The following WDR17 variants were observed in gnomAD, a reference collection of about 807,000 sequenced individuals.
WDR17 encodes WD repeat-containing protein 17.
WDR17 carries 143 observed loss-of-function variants against 161.7 expected under a neutral mutation model. The observed-to-expected ratio is 0.88, with a 90% CI of 0.77 to 1.02. WDR17 has a LOEUF of 1.02. Ranked by LOEUF, WDR17 falls within the 50% of genes least tolerant of loss-of-function variation. The pLI, the probability that WDR17 is intolerant of heterozygous loss-of-function variation, is 0.00. For missense variants in WDR17, 1,469 were observed against 1,520.9 expected, an observed-to-expected ratio of 0.97 and a Z score of 0.57; for synonymous variants, 517 against 515.6, an observed-to-expected ratio of 1.00 and a Z score of -0.04.
chr4:176,148,369 A>G (rs188784895), intron 13 of WDR17, 34 bp downstream of exon 13: 124 of 1,567,474 alleles, frequency 7.9e-5, no homozygotes, highest in Admixed American at 2.0e-4. Context: ...TGTATTTGTT[A>G]TATTGACATA....
Position 176,131,627 on chromosome 4 carries a change from A to C in WDR17, c.987A>C (p.Thr329=). The change falls in exon 7 of 29, where the codon ACA becomes ACC. Residue 329 remains threonine, a synonymous_variant. Coordinates refer to ENST00000508596, the MANE Select transcript of WDR17 (RefSeq NM_181265.4). ...AAGCAGTTCCACCCCCAACTTTAAC[A>C]CAGAATCAAGCATTTTCTCTTCCTC... is the stretch of plus-strand genomic sequence containing the variant. ...TSEAVPPPTL[T]QNQAFSLPPG... 6.2e-7 allele frequency: 1 copy of C among 1,613,650 alleles called. No individual in the cohort carries two copies. The highest frequency in any genetic ancestry group is 8.5e-7 in the Non-Finnish European group (1 of 1,179,810).
chr4:176,146,894 G>C (rs1746262793), intron 12 of WDR17, among the ~76,000 whole-genome samples: 1 of 151,562 alleles, frequency 6.6e-6, no homozygotes, highest in Non-Finnish European at 1.5e-5. Flanking sequence ...TTTTGAGACA[G>C]TCTCACTGTG....
Position 176,156,147 on chromosome 4 carries a change from A to G in WDR17, c.2525+4A>G. Reference sequence around the variant, plus strand: ...ACTGGAAGAAGTTAATGCAGAGGTAAGGCAGAGAGAGTCCGTGTTAAAACA... The same window carrying G: ...ACTGGAAGAAGTTAATGCAGAGGTAGGGCAGAGAGAGTCCGTGTTAAAACA... On this transcript the variant is annotated splice_donor_region_variant and intron_variant, in intron 18 of 28. Coordinates refer to ENST00000508596, the MANE Select transcript of WDR17 (RefSeq NM_181265.4). 6.2e-7 allele frequency: 1 copy of G among 1,612,438 alleles called. No individual in the cohort carries two copies. The highest frequency in any genetic ancestry group is 8.5e-7 in the Non-Finnish European group (1 of 1,179,224).
rs140953835 is a variant in WDR17 at position 176,123,654 on chromosome 4, G to A, written c.539-1450G>A. Among the ~76,000 whole-genome samples the A allele has an allele frequency of 1.5e-4, 23 of 152,314 alleles. No individual in the cohort carries two copies. In the East Asian group the frequency reaches 1.7e-3, roughly 11 times the overall value. ...GGGCAAGGCATATGGGAAAGGACAT[G>A]GGGCTTCCGTGCTGTCTCCAGGCAT... is the stretch of plus-strand genomic sequence containing the variant. On this transcript the variant is annotated intron_variant, in intron 4 of 28. Transcript: ENST00000508596.
intron 17 of WDR17, among the ~76,000 whole-genome samples, chr4:176,154,999 CAGTT>C: frequency 6.6e-6 from 1 of 151,964 alleles, no homozygotes; most frequent in East Asian, 1.9e-4. Flanking sequence ...ATTATATTAT[CAGTT>C]AAATGAAGAA....
chr4:176,159,262 T>TAC (rs140919209), intron 18 of WDR17, among the ~76,000 whole-genome samples: 95 of 133,224 alleles, frequency 7.1e-4, no homozygotes, highest in East Asian at 1.6e-3. Flanking sequence ...GATGGGAAGA[T>TAC]ACACACACAC....
chr4:176,163,618 A>G (rs1749371525), intron 22 of WDR17, among the ~76,000 whole-genome samples: 1 of 152,170 alleles, frequency 6.6e-6, no homozygotes, highest in African/African-American at 2.4e-5. Flanking sequence ...AAAATTCCGC[A>G]TATCTACACT....
intron 11 of WDR17, among the ~76,000 whole-genome samples, chr4:176,142,723 ATG>A (rs1745474738): frequency 6.6e-6 from 1 of 152,198 alleles, no homozygotes; most frequent in Non-Finnish European, 1.5e-5. Flanking sequence ...GTCAAAAACA[ATG>A]TGAATTATGT....
chr4:176,173,383 C>A lies in WDR17; in HGVS notation c.3347+14C>A. 1 of 1,535,270 alleles carries A rather than the reference C, an allele frequency of 6.5e-7. No homozygotes were observed. Among genetic ancestry groups the A allele is most frequent in the East Asian group, 2.3e-5 (1 of 44,306 alleles). Reference sequence around the variant, plus strand: ...TACGTGTACTGAGTGAGTATTTTTTCTGCAAAATATATAAGTGAATCTATT... The same window carrying A: ...TACGTGTACTGAGTGAGTATTTTTTATGCAAAATATATAAGTGAATCTATT... On this transcript the variant is annotated intron_variant, in intron 25 of 28. Coordinates refer to ENST00000508596, the MANE Select transcript of WDR17 (RefSeq NM_181265.4).
chr4:176,158,186 A>C (rs1748458434), intron 18 of WDR17, among the ~76,000 whole-genome samples: 1 of 152,234 alleles, frequency 6.6e-6, no homozygotes, highest in African/African-American at 2.4e-5. Context: ...GCACAAGCTA[A>C]AATATCAAGA....
chr4:176,166,077 G>C (rs1749733617), intron 22 of WDR17: 2 of 1,023,976 alleles, frequency 2.0e-6, no homozygotes, highest in Non-Finnish European at 2.8e-6. Context: ...TTTCTTTGTG[G>C]TATTCATCGT....
intron 1 of WDR17, among the ~76,000 whole-genome samples, chr4:176,098,601 G>A (rs925043315): frequency 6.6e-5 from 10 of 151,792 alleles, no homozygotes; most frequent in African/African-American, 2.2e-4. Flanking sequence ...TGGACATTTT[G>A]TTTCATCTCC....
intron 1 of WDR17, among the ~76,000 whole-genome samples, chr4:176,097,541 T>C (rs1460928709): frequency 6.6e-6 from 1 of 151,958 alleles, no homozygotes. Context: ...AGTAAACATC[T>C]CTGGAGCCAG....
At chr4:176,120,645 A>G (rs1371385636) in intron 4 of WDR17, among the ~76,000 whole-genome samples, 1 of 152,006 alleles carries the variant, frequency 6.6e-6, no homozygotes, top group Non-Finnish European at 1.5e-5. Flanking sequence ...GTTCACTTAC[A>G]AAAGTATGAT....
intron 7 of WDR17, among the ~76,000 whole-genome samples, chr4:176,133,142 A>G (rs909637453): frequency 1.2e-4 from 18 of 150,388 alleles, no homozygotes; most frequent in Admixed American, 1.1e-3. Flanking sequence ...CCCAAGTGCC[A>G]TATATACCAT....
chr4:176,143,778 C>T (rs1024059325), intron 11 of WDR17, among the ~76,000 whole-genome samples: 2 of 151,974 alleles, frequency 1.3e-5, no homozygotes, highest in African/African-American at 2.4e-5. Context: ...CCTGCAGAAA[C>T]CTTCTAAGTC....
At position 176,149,973 on chromosome 4, in the gene WDR17, T is replaced by C. The variant is rs771747384; in HGVS notation, c.2047+17T>C. 6.7e-5 allele frequency: 108 copies of C among 1,609,400 alleles called. 2 individuals carry two copies. The South Asian group carries it at 1.2e-3, about 18-fold the overall frequency. On this transcript the variant is annotated intron_variant, in intron 14 of 28. Coordinates refer to ENST00000508596, the MANE Select transcript of WDR17 (RefSeq NM_181265.4). ...GGAACACTGGTATGGAACATATACATGTATTAGAGTTTATTTCTAAATAAG... is the reference window on the plus strand; with the variant it reads ...GGAACACTGGTATGGAACATATACACGTATTAGAGTTTATTTCTAAATAAG...
rs146758610 is a variant in WDR17 at position 176,157,604 on chromosome 4, A to G, written c.2525+1461A>G. On this transcript the variant is annotated intron_variant, in intron 18 of 28. Coordinates refer to ENST00000508596, the MANE Select transcript of WDR17 (RefSeq NM_181265.4). Reference sequence around the variant, plus strand: ...TAAGAAAGTCAAGTTAGCAGAGGATATTTATTTCACAAAATATTATTTCAA... The same window carrying G: ...TAAGAAAGTCAAGTTAGCAGAGGATGTTTATTTCACAAAATATTATTTCAA... Among the ~76,000 whole-genome samples, 272 of 152,334 alleles carry G rather than the reference A, an allele frequency of 1.8e-3. 4 individuals carry two copies. The highest frequency in any genetic ancestry group is 1.0e-3 in the Non-Finnish European group (70 of 68,030).
chr4:176,128,864 A>G lies in WDR17; in HGVS notation c.913+4A>G, dbSNP rs1742905684. The G allele has an allele frequency of 6.4e-7, 1 of 1,559,084 alleles. No individual in the cohort carries two copies. The highest frequency in any genetic ancestry group is 8.6e-7 in the Non-Finnish European group (1 of 1,158,940). On this transcript the variant is annotated splice_donor_region_variant and intron_variant, in intron 6 of 28. Coordinates refer to ENST00000508596, the MANE Select transcript of WDR17 (RefSeq NM_181265.4). ...AATTCTCCTCCAAGAAAAAAGTGTA[A>G]GTAAAAATGTTATCAAAATTTTAAT...
Sources: allele counts gnomAD v4.1 joint callset (sites outside exome capture counted in the v4.1 genomes callset), GRCh38; gene constraint gnomAD v4.1.1; transcripts MANE v1.5; gene names NCBI Gene and HGNC (gene_info 2026-07-23, HGNC 2026-07-21).